Variants in FNBP1L observed in about 807,000 individuals in gnomAD.
FNBP1L encodes formin-binding protein 1-like.
In FNBP1L, 36 loss-of-function variants were observed where a neutral mutation model predicts 91.2. The ratio of observed to expected loss-of-function variants is 0.39; its 90% CI spans 0.30 to 0.52. The LOEUF (loss-of-function observed/expected upper bound fraction) is 0.52, where lower values mean the gene tolerates loss of function less well. Among genes scored for constraint, FNBP1L ranks in the 20% least tolerant of loss-of-function variants. FNBP1L has a pLI of 0.66. For synonymous variants in FNBP1L, 242 were observed against 237.0 expected (o/e 1.02, Z -0.19); for missense variants, 571 against 732.1 (o/e 0.78, Z 2.54).
intron 11 of FNBP1L, 131 bp from the exon 12 acceptor site, chr1:93,543,976 T>C: frequency 2.0e-6 from 1 of 508,840 alleles, no homozygotes; most frequent in Non-Finnish European, 3.4e-6. Flanking sequence ...TCTTTTTTTT[T>C]TAAGGGGTTG....
chr1:93,512,824 A>T (rs1670909700), intron 2 of FNBP1L, among the ~76,000 whole-genome samples: 1 of 152,156 alleles, frequency 6.6e-6, no homozygotes, highest in African/African-American at 2.4e-5. Flanking sequence ...AAAGCAGGAA[A>T]GATCCAAAAT....
chr1:93,476,708 G>C (rs535522706), intron 1 of FNBP1L, among the ~76,000 whole-genome samples: 1 of 152,138 alleles, frequency 6.6e-6, no homozygotes, highest in South Asian at 2.1e-4. Context: ...TGGGCAGAGG[G>C]GGGGAGTTCA....
rs193033167 is a variant in FNBP1L at position 93,470,827 on chromosome 1, C to T, written c.24+22522C>T. The stretch of plus-strand genomic sequence containing the variant: ...GGCAGAGCTTGCAGTGAGCAGAGAT[C>T]GTGCCACTGCACTGCAGCCTGGGTG... On this transcript the variant is annotated intron_variant, in intron 1 of 16. Transcript: ENST00000271234. Among the ~76,000 whole-genome samples, 858 of 147,314 alleles carry T rather than the reference C, an allele frequency of 5.8e-3. 7 individuals carry two copies. Among genetic ancestry groups the T allele is most frequent in the East Asian group, 9.2e-3 (46 of 4,980 alleles).
chr1:93,530,501 A>C (rs944701288), intron 6 of FNBP1L, among the ~76,000 whole-genome samples: 1 of 152,086 alleles, frequency 6.6e-6, no homozygotes, highest in Non-Finnish European at 1.5e-5. Context: ...GCTATCAGGG[A>C]ATACTATTGT....
chr1:93,540,876 T>C (rs1362455711), intron 10 of FNBP1L, among the ~76,000 whole-genome samples, 166 bp from the exon 11 acceptor site: 1 of 151,938 alleles, frequency 6.6e-6, no homozygotes, highest in East Asian at 1.9e-4. Context: ...GTAATTTACT[T>C]TCCCAAAATG....
chr1:93,454,729 C>T (rs963051191), intron 1 of FNBP1L, among the ~76,000 whole-genome samples: 1 of 151,794 alleles, frequency 6.6e-6, no homozygotes, highest in Non-Finnish European at 1.5e-5. Context: ...ACTGGAAATA[C>T]TAATTAAAAC....
At chr1:93,550,720 G>A (rs1672382030) in intron 15 of FNBP1L, among the ~76,000 whole-genome samples, 1 of 152,162 alleles carries the variant, frequency 6.6e-6, no homozygotes, top group Admixed American at 6.5e-5. Context: ...GTTACATGGG[G>A]GTGATGTTAT....
chr1:93,483,016 TA>T (rs761508055), intron 1 of FNBP1L, among the ~76,000 whole-genome samples: 1 of 115,362 alleles, frequency 8.7e-6, no homozygotes, highest in African/African-American at 3.2e-5. Context: ...AGACTCCGTC[TA>T]AAAAAAACAA....
Position 93,448,292 on chromosome 1 carries a change from G to A in FNBP1L, c.11G>A (p.Gly4Asp). Residue 4 changes from glycine to aspartate, a missense_variant, in exon 1 of 17, where the codon GGC (glycine) becomes GAC (aspartate). Coordinates refer to ENST00000271234, the MANE Select transcript of FNBP1L (RefSeq NM_001164473.3). MSW[G>D]TELWDQFDSL... Reference sequence around the variant, plus strand: ...CCAGAAAGTTCCGCCATGAGCTGGGGCACGGAGCTGTGGGTGAGTCGGGGA... The same window carrying A: ...CCAGAAAGTTCCGCCATGAGCTGGGACACGGAGCTGTGGGTGAGTCGGGGA... 2.0e-6 allele frequency: 3 copies of A among 1,517,766 alleles called. No individual in the cohort carries two copies. Among genetic ancestry groups the A allele is most frequent in the East Asian group, 2.8e-5 (1 of 35,638 alleles). 94.0% of individuals were successfully genotyped at this position (1,517,766 alleles called of 1,614,324 possible). A position where few individuals can be genotyped will look rare whatever the true frequency, so the allele number is the denominator to read the frequency against.
At chr1:93,471,891 C>A (rs1165513434) in intron 1 of FNBP1L, among the ~76,000 whole-genome samples, 1 of 152,092 alleles carries the variant, frequency 6.6e-6, no homozygotes. Context: ...CTTGGAGAGT[C>A]TAATAATAAC....
intron 2 of FNBP1L, among the ~76,000 whole-genome samples, chr1:93,508,846 G>A (rs1472383468): frequency 6.6e-6 from 1 of 152,158 alleles, no homozygotes; most frequent in African/African-American, 2.4e-5. Flanking sequence ...AAAATTTAGG[G>A]ATCCAGGTAC....
At chr1:93,550,252 G>A (rs369457800) in intron 15 of FNBP1L, among the ~76,000 whole-genome samples, 2 of 152,130 alleles carry the variant, frequency 1.3e-5, no homozygotes, top group Admixed American at 6.5e-5. Context: ...GGGAGGCTGC[G>A]GTGAGAGGAT....
chr1:93,487,912 T>C (rs2624437), intron 1 of FNBP1L, among the ~76,000 whole-genome samples: 120,586 of 152,060 alleles, frequency 0.79, 50,556 homozygotes, highest in East Asian at 0.93. Context: ...TCCAGACATA[T>C]GTATTTAGTT....
At chr1:93,460,818 T>A (rs1668834626) in intron 1 of FNBP1L, among the ~76,000 whole-genome samples, 1 of 152,206 alleles carries the variant, frequency 6.6e-6, no homozygotes, top group African/African-American at 2.4e-5. Context: ...ACTTAAACTT[T>A]CAGTTATGCA....
chr1:93,508,957 A>G (rs926130797), intron 2 of FNBP1L, among the ~76,000 whole-genome samples: 7 of 152,170 alleles, frequency 4.6e-5, no homozygotes, highest in Admixed American at 6.5e-5. Context: ...ATTATGTCCT[A>G]TCAATTTAAC....
intron 12 of FNBP1L, among the ~76,000 whole-genome samples, chr1:93,545,759 A>G (rs1672201862): frequency 6.6e-6 from 1 of 152,096 alleles, no homozygotes; most frequent in South Asian, 2.1e-4. Flanking sequence ...GGGAATAGAA[A>G]GGAGGAATAG....
At chr1:93,495,824 A>G (rs1027167486) in intron 1 of FNBP1L, among the ~76,000 whole-genome samples, 7 of 152,378 alleles carry the variant, frequency 4.6e-5, no homozygotes, top group African/African-American at 1.4e-4. Flanking sequence ...TGTATTCATT[A>G]TATAATTTTG....
intron 1 of FNBP1L, among the ~76,000 whole-genome samples, chr1:93,494,266 A>G (rs1317315929): frequency 6.6e-6 from 1 of 152,190 alleles, no homozygotes; most frequent in East Asian, 1.9e-4. Flanking sequence ...AGAGGTACCT[A>G]GGGTAAGATT....
At chr1:93,468,044 T>C (rs1336971674) in intron 1 of FNBP1L, among the ~76,000 whole-genome samples, 1 of 152,224 alleles carries the variant, frequency 6.6e-6, no homozygotes, top group Non-Finnish European at 1.5e-5. Flanking sequence ...CTGATCTTTT[T>C]ACTGTGACTT....
Sources: allele counts gnomAD v4.1 joint callset (sites outside exome capture counted in the v4.1 genomes callset), GRCh38; gene constraint gnomAD v4.1.1; transcripts MANE v1.5; gene names NCBI Gene and HGNC (gene_info 2026-07-23, HGNC 2026-07-21).